Variants in NTM observed in about 807,000 individuals in gnomAD.
The protein encoded by NTM is neurotrimin.
Under a neutral mutation model 42.1 loss-of-function variants are expected in NTM, and 13 were observed. The observed-to-expected ratio is 0.31, with a 90% CI of 0.20 to 0.49. The LOEUF is 0.49. Among genes scored for constraint, NTM ranks in the 20% least tolerant of loss-of-function variants. The pLI is 0.99. For synonymous variants in NTM, 187 were observed against 179.2 expected (o/e 1.04, Z -0.35); for missense variants, 373 against 452.8 (o/e 0.82, Z 1.60).
intron 1 of NTM, among the ~76,000 whole-genome samples, chr11:131,675,314 C>T (rs1163300284): frequency 6.6e-6 from 1 of 152,318 alleles, no homozygotes; most frequent in African/African-American, 2.4e-5. Flanking sequence ...TTTCCCAACA[C>T]ATTTTTAAAT....
At chr11:132,119,291 G>A (rs2064377251) in intron 2 of NTM, among the ~76,000 whole-genome samples, 1 of 152,204 alleles carries the variant, frequency 6.6e-6, no homozygotes, top group Non-Finnish European at 1.5e-5. Context: ...CACTGCTACA[G>A]TTGGGCAAAT....
chr11:131,377,384 C>T (rs538119394), intron 1 of NTM, among the ~76,000 whole-genome samples: 1 of 152,120 alleles, frequency 6.6e-6, no homozygotes, highest in Non-Finnish European at 1.5e-5. Context: ...TTCCTTTATG[C>T]CCTGACTTCT....
intron 1 of NTM, among the ~76,000 whole-genome samples, chr11:131,809,292 C>T (rs1021735219): frequency 8.5e-5 from 13 of 152,212 alleles, no homozygotes; most frequent in African/African-American, 2.4e-4. Flanking sequence ...CCATCCTCCC[C>T]GCACTGCCAG....
intron 1 of NTM, among the ~76,000 whole-genome samples, chr11:131,413,629 C>T (rs747787238): frequency 2.4e-4 from 36 of 152,242 alleles, no homozygotes; most frequent in Admixed American, 9.2e-4. Context: ...GAGAACCAGT[C>T]GTCTGATTAA....
chr11:132,059,724 C>A, intron 2 of NTM, among the ~76,000 whole-genome samples: 2 of 150,928 alleles, frequency 1.3e-5, no homozygotes, highest in African/African-American at 2.4e-5. Context: ...AATCCTCCCC[C>A]GCCCCACACC....
intron 1 of NTM, among the ~76,000 whole-genome samples, chr11:131,605,410 C>T (rs564571640): frequency 3.3e-5 from 5 of 152,264 alleles, no homozygotes; most frequent in Middle Eastern, 3.4e-3. Flanking sequence ...TTGTGTACCC[C>T]GCACATTTAC....
intron 2 of NTM, among the ~76,000 whole-genome samples, chr11:132,064,976 A>T (rs2081226559): frequency 6.6e-6 from 1 of 152,180 alleles, no homozygotes; most frequent in East Asian, 1.9e-4. Flanking sequence ...ACTGACAAGG[A>T]TGTGTGTGTA....
At chr11:131,488,769 T>A (rs2136282486) in intron 1 of NTM, among the ~76,000 whole-genome samples, 1 of 152,252 alleles carries the variant, frequency 6.6e-6, no homozygotes, top group Non-Finnish European at 1.5e-5. Flanking sequence ...CAATAATCTG[T>A]ATTGGGCTGA....
chr11:132,309,241 T>C (rs1591904519), intron 5 of NTM, among the ~76,000 whole-genome samples: 1 of 151,954 alleles, frequency 6.6e-6, no homozygotes, highest in Non-Finnish European at 1.5e-5. Context: ...ATGTGAAGAG[T>C]AGTTTGGTAA....
At chr11:132,334,946 C>G in intron 8 of NTM, 100 bp from the exon 9 acceptor site, 1 of 1,530,604 alleles carries the variant, frequency 6.5e-7, no homozygotes, top group Non-Finnish European at 8.7e-7. Flanking sequence ...AGAGGGATGA[C>G]TCACCAGGGG....
intron 1 of NTM, among the ~76,000 whole-genome samples, chr11:131,584,645 A>T (rs1357545840): frequency 6.6e-6 from 1 of 152,158 alleles, no homozygotes; most frequent in East Asian, 1.9e-4. Flanking sequence ...AATGATGTAA[A>T]TACCCAAATT....
chr11:132,006,363 A>C (rs2070788392), intron 2 of NTM, among the ~76,000 whole-genome samples: 1 of 152,062 alleles, frequency 6.6e-6, no homozygotes, highest in South Asian at 2.1e-4. Context: ...TAGCAGAGGG[A>C]GGGAAAATTT....
At chr11:132,060,279 C>T (rs112158670) in intron 2 of NTM, among the ~76,000 whole-genome samples, 105 of 152,318 alleles carry the variant, frequency 6.9e-4, no homozygotes, top group Non-Finnish European at 1.4e-3. Context: ...GTTTAGGGAA[C>T]GGGCAATGAA....
rs952623331 is a variant in NTM, at chr11:131,623,612, C to G, written c.82+252724C>G. 2.0e-5 allele frequency among the ~76,000 whole-genome samples: 3 copies of G among 152,206 alleles called. No individual in the cohort carries two copies. In the East Asian group the frequency reaches 5.8e-4, roughly 29 times the overall value. ...AGTAACTAAATAAACAACTAATCAGCGATGGGTTAGGCCTCTCTATAGGGA... is the reference window on the plus strand; with the variant it reads ...AGTAACTAAATAAACAACTAATCAGGGATGGGTTAGGCCTCTCTATAGGGA... On this transcript the variant is annotated intron_variant, in intron 1 of 8. Coordinates refer to ENST00000683400, the MANE Select transcript of NTM (RefSeq NM_001352005.2).
At chr11:131,416,124 G>C (rs1211407183) in intron 1 of NTM, among the ~76,000 whole-genome samples, 1 of 151,476 alleles carries the variant, frequency 6.6e-6, no homozygotes, top group South Asian at 2.1e-4. Context: ...AATTCAACTG[G>C]GTATCCTGTA....
intron 1 of NTM, among the ~76,000 whole-genome samples, chr11:131,808,825 G>T (rs947652636): frequency 4.6e-5 from 7 of 152,204 alleles, no homozygotes; most frequent in African/African-American, 1.4e-4. Context: ...AAGCATGCCC[G>T]TGCACACGCA....
chr11:131,524,978 A>G (rs11825938), intron 1 of NTM, among the ~76,000 whole-genome samples: 27,072 of 152,096 alleles, frequency 0.18, 2,464 homozygotes, highest in Middle Eastern at 0.23. Context: ...CACACAGGAA[A>G]CCTGGTACAG....
intron 3 of NTM, among the ~76,000 whole-genome samples, chr11:132,198,499 G>A (rs7108781): frequency 0.12 from 17,556 of 152,142 alleles, 1,276 homozygotes; most frequent in East Asian, 0.25. Flanking sequence ...CTGCACCTGC[G>A]CTTATAAATG....
rs556532406 is a variant in NTM, at chr11:132,131,603, T to C, written c.168-14679T>C. 9.2e-5 allele frequency among the ~76,000 whole-genome samples: 14 copies of C among 152,072 alleles called. No individual in the cohort carries two copies. In the South Asian group the frequency reaches 2.7e-3, roughly 29 times the overall value. On this transcript the variant is annotated intron_variant, in intron 2 of 8. Coordinates refer to ENST00000683400, the MANE Select transcript of NTM (RefSeq NM_001352005.2). Reference sequence around the variant, plus strand: ...ACAGAGGGGCAGTGTGGGAAATGGGTTGGGGCATGGGAGAGCATGCCACAC... The same window carrying C: ...ACAGAGGGGCAGTGTGGGAAATGGGCTGGGGCATGGGAGAGCATGCCACAC...
Sources: allele counts gnomAD v4.1 joint callset (sites outside exome capture counted in the v4.1 genomes callset), GRCh38; gene constraint gnomAD v4.1.1; transcripts MANE v1.5; gene names NCBI Gene and HGNC (gene_info 2026-07-23, HGNC 2026-07-21).